Variants in ANO4 observed in about 807,000 individuals in gnomAD.
The protein encoded by ANO4 is anoctamin 4.
In ANO4, 69 loss-of-function variants were observed where a neutral mutation model predicts 141.9. The ratio of observed to expected loss-of-function variants is 0.49; its 90% CI spans 0.40 to 0.59. The LOEUF (loss-of-function observed/expected upper bound fraction) is 0.59. Among genes scored for constraint, ANO4 ranks in the 20% least tolerant of loss-of-function variants. The pLI is 0.00. For synonymous variants in ANO4, 350 were observed against 394.3 expected (o/e 0.89, Z 1.33); for missense variants, 894 against 1,162.2 (o/e 0.77, Z 3.36).
At chr12:100,919,744 C>CTATG (rs2041540418) in intron 2 of ANO4, among the ~76,000 whole-genome samples, 1 of 132,386 alleles carries the variant, frequency 7.6e-6, no homozygotes, top group African/African-American at 3.3e-5. Context: ...ATGTATCTAT[C>CTATG]TATCTATCTA....
At chr12:101,029,124 C>G (rs2046863746) in intron 9 of ANO4, among the ~76,000 whole-genome samples, 1 of 152,156 alleles carries the variant, frequency 6.6e-6, no homozygotes, top group Admixed American at 6.5e-5. Context: ...TCCAGACAAG[C>G]AAATGCTGAG....
intron 9 of ANO4, among the ~76,000 whole-genome samples, chr12:101,028,800 G>A (rs1405001725): frequency 6.6e-6 from 1 of 152,126 alleles, no homozygotes; most frequent in Non-Finnish European, 1.5e-5. Flanking sequence ...AGGAAGACAG[G>A]CCAATATGCA....
At chr12:100,975,427 CT>C (rs201688045) in intron 7 of ANO4, among the ~76,000 whole-genome samples, 105 of 139,690 alleles carry the variant, frequency 7.5e-4, no homozygotes, top group South Asian at 1.2e-3. Flanking sequence ...TTCTTTCTTT[CT>C]TTTTTTTTTT....
chr12:101,125,276 T>C (rs1436487591), intron 26 of ANO4, among the ~76,000 whole-genome samples: 1 of 152,132 alleles, frequency 6.6e-6, no homozygotes, highest in Non-Finnish European at 1.5e-5. Flanking sequence ...TTGCCTGTTG[T>C]TAGTGGTTAG....
At chr12:100,866,719 T>C (rs1593567485) in intron 1 of ANO4, among the ~76,000 whole-genome samples, 1 of 152,148 alleles carries the variant, frequency 6.6e-6, no homozygotes, top group Non-Finnish European at 1.5e-5. Context: ...GTGGTCAAGC[T>C]CAAGGTCATA....
intron 1 of ANO4, among the ~76,000 whole-genome samples, chr12:100,829,954 G>A (rs1172268476): frequency 6.6e-6 from 1 of 152,104 alleles, no homozygotes; most frequent in South Asian, 2.1e-4. Flanking sequence ...GTGGTGGAGT[G>A]GTGACAGAAT....
chr12:100,892,354 A>G (rs1233799701), intron 1 of ANO4, among the ~76,000 whole-genome samples: 1 of 152,202 alleles, frequency 6.6e-6, no homozygotes, highest in East Asian at 1.9e-4. Flanking sequence ...ATGGGCTAGT[A>G]GGGTTGAGGA....
intron 5 of ANO4, among the ~76,000 whole-genome samples, chr12:100,948,376 T>C (rs747649532): frequency 6.6e-6 from 1 of 152,108 alleles, no homozygotes; most frequent in Non-Finnish European, 1.5e-5. Flanking sequence ...TTTTTATGGA[T>C]CTCTGTTTCC....
intron 4 of ANO4, among the ~76,000 whole-genome samples, chr12:100,941,426 A>G (rs753195008): frequency 1.8e-4 from 27 of 152,174 alleles, no homozygotes; most frequent in Non-Finnish European, 2.6e-4. Flanking sequence ...AAAAAATGGT[A>G]TCATGTGGTA....
intron 14 of ANO4, among the ~76,000 whole-genome samples, chr12:101,074,973 A>AG (rs1297216555): frequency 6.6e-6 from 1 of 152,178 alleles, no homozygotes; most frequent in Non-Finnish European, 1.5e-5. Flanking sequence ...AGAAGTCCAC[A>AG]AACTAGTCAT....
intron 9 of ANO4, among the ~76,000 whole-genome samples, chr12:101,024,663 T>G (rs560919880): frequency 6.6e-6 from 1 of 152,146 alleles, no homozygotes; most frequent in Non-Finnish European, 1.5e-5. Flanking sequence ...TTCTAACATC[T>G]GGGATGTTTG....
chr12:100,901,157 G>T (rs1162342633), intron 1 of ANO4, among the ~76,000 whole-genome samples: 2 of 152,148 alleles, frequency 1.3e-5, no homozygotes, highest in Non-Finnish European at 2.9e-5. Flanking sequence ...TGTTGACACT[G>T]GTTGATGAGT....
intron 1 of ANO4, among the ~76,000 whole-genome samples, chr12:100,812,162 G>A (rs1215134549): frequency 1.3e-5 from 2 of 152,204 alleles, no homozygotes; most frequent in East Asian, 3.9e-4. Context: ...CTGGCATAAA[G>A]TAGGAGCTCA....
intron 1 of ANO4, among the ~76,000 whole-genome samples, chr12:100,851,320 A>G (rs2037860348): frequency 6.6e-6 from 1 of 151,958 alleles, no homozygotes; most frequent in Non-Finnish European, 1.5e-5. Context: ...TTTGTTACTC[A>G]TTTTTCTTTC....
intron 1 of ANO4, among the ~76,000 whole-genome samples, chr12:100,800,950 T>C (rs1265155437): frequency 6.6e-6 from 1 of 152,226 alleles, no homozygotes; most frequent in East Asian, 1.9e-4. Flanking sequence ...AGACTAAACT[T>C]TCAAAGCAAA....
chr12:100,825,055 T>C (rs1358436288), intron 1 of ANO4, among the ~76,000 whole-genome samples: 2 of 152,066 alleles, frequency 1.3e-5, no homozygotes, highest in Non-Finnish European at 1.5e-5. Flanking sequence ...TTATTTCTTA[T>C]CATAAATTAT....
At chr12:100,918,635 C>T (rs1363615658) in intron 2 of ANO4, among the ~76,000 whole-genome samples, 1 of 152,130 alleles carries the variant, frequency 6.6e-6, no homozygotes, top group Non-Finnish European at 1.5e-5. Flanking sequence ...ATACATTACT[C>T]ACGTGTTTGT....
At chr12:101,037,026 A>G in intron 9 of ANO4, 69 bp from the exon 10 acceptor site, 1 of 1,478,750 alleles carries the variant, frequency 6.8e-7, no homozygotes. Flanking sequence ...CACCACACTT[A>G]TATTTGTTTT....
At chr12:101,022,557 T>C (rs1243920486) in intron 9 of ANO4, among the ~76,000 whole-genome samples, 1 of 152,240 alleles carries the variant, frequency 6.6e-6, no homozygotes, top group Non-Finnish European at 1.5e-5. Context: ...AAACTTAGGA[T>C]GTGCTATGCA....
Sources: allele counts gnomAD v4.1 joint callset (sites outside exome capture counted in the v4.1 genomes callset), GRCh38; gene constraint gnomAD v4.1.1; transcripts MANE v1.5; gene names NCBI Gene and HGNC (gene_info 2026-07-23, HGNC 2026-07-21).